CLCNKA: variants seen among roughly 807,000 people sequenced by gnomAD.
CLCNKA encodes chloride channel protein ClC-Ka.
In CLCNKA, 66 loss-of-function variants were observed where a neutral mutation model predicts 83.3. That is an observed-to-expected ratio of 0.79 (90% CI 0.65 to 0.97). The LOEUF (loss-of-function observed/expected upper bound fraction) is 0.97, where lower values mean the gene tolerates loss of function less well. Among genes scored for constraint, CLCNKA ranks in the 50% least tolerant of loss-of-function variants. CLCNKA has a pLI of 0.00. For synonymous variants in CLCNKA, 357 were observed against 370.4 expected (o/e 0.96, Z 0.42); for missense variants, 806 against 888.7 (o/e 0.91, Z 1.18).
chr1:16,033,223 G>A lies in CLCNKA; in HGVS notation c.1983G>A (p.Arg661=), dbSNP rs775909170. The A allele has an allele frequency of 3.1e-6, 5 of 1,614,038 alleles. No homozygotes were observed. The East Asian group carries it at 8.9e-5, about 29-fold the overall frequency. The change falls in exon 19 of 20, where the codon CGG becomes CGA. Residue 661 remains arginine (R), a synonymous_variant. Transcript: ENST00000331433. ...TTCAGTCCCTCTTCGTGACATCGCG[G>A]GGCAGAGCTGTGGGCTGCGTGTCCT... The part of the protein sequence containing the change: ...LNLQSLFVTS[R]GRAVGCVSWV...
chr1:16,033,206 C>T lies in CLCNKA; in HGVS notation c.1966C>T (p.Leu656Phe). Reference sequence around the variant, plus strand: ...CTTTAAGCTGTTGAACCTTCAGTCCCTCTTCGTGACATCGCGGGGCAGAGC... The same window carrying T: ...CTTTAAGCTGTTGAACCTTCAGTCCTTCTTCGTGACATCGCGGGGCAGAGC... ...NLFKLLNLQS[L>F]FVTSRGRAVG... The change falls in exon 19 of 20, where the codon CTC (leucine) becomes TTC (phenylalanine). Residue 656 changes from leucine (L) to phenylalanine (F), a missense_variant. Coordinates refer to ENST00000331433, the MANE Select transcript of CLCNKA (RefSeq NM_004070.4). 6.2e-7 allele frequency: 1 copy of T among 1,614,198 alleles called. No homozygotes were observed. Among genetic ancestry groups the T allele is most frequent in the East Asian group, 2.2e-5 (1 of 44,888 alleles).
Position 16,028,861 on chromosome 1 carries a change from C to A in CLCNKA, c.1053+16C>A, listed in dbSNP as rs189219840. Reference sequence around the variant, plus strand: ...AGCTTCTCGGGTAAGGGGTCCTGAGCGGGGGTGGCAGGAGTGGGAACCCCC... The same window carrying A: ...AGCTTCTCGGGTAAGGGGTCCTGAGAGGGGGTGGCAGGAGTGGGAACCCCC... On this transcript the variant is annotated intron_variant, in intron 11 of 19. Transcript: ENST00000331433. The A allele has an allele frequency of 1.2e-6, 2 of 1,613,338 alleles. No homozygotes were observed. The highest frequency in any genetic ancestry group is 2.2e-5 in the East Asian group (1 of 44,880).
Position 16,031,691 on chromosome 1 carries a change from G to C in CLCNKA, c.1623-19G>C. On this transcript the variant is annotated intron_variant, in intron 15 of 19. Transcript: ENST00000331433. Reference sequence around the variant, plus strand: ...ACATCCCCGACTCCGGGACCTGATGGGAGCCCCTCTGCCTGCAGCTCCCAC... The same window carrying C: ...ACATCCCCGACTCCGGGACCTGATGCGAGCCCCTCTGCCTGCAGCTCCCAC... The C allele has an allele frequency of 6.2e-7, 1 of 1,613,504 alleles. No homozygotes were observed.
chr1:16,022,731 GTCCTCT>G lies in CLCNKA; in HGVS notation c.100+16_100+21del. 1.3e-6 allele frequency: 2 copies of G among 1,510,180 alleles called. No homozygotes were observed. Among genetic ancestry groups the G allele is most frequent in the Non-Finnish European group, 1.8e-6 (2 of 1,123,702 alleles). The allele number at this position is 1,510,180 out of a possible 1,614,324, so 93.5% of individuals were successfully genotyped here. On this transcript the variant is annotated intron_variant, in intron 2 of 19. Transcript: ENST00000331433. ...CCGAGCCATCCAAGGTGAGAGCCAGGTCCTCTTCCCTACCCGCGGGGGACCACTCAG... is the reference window on the plus strand; with the variant it reads ...CCGAGCCATCCAAGGTGAGAGCCAGGTCCCTACCCGCGGGGGACCACTCAG...
chr1:16,033,784 A>G lies in CLCNKA; in HGVS notation c.*126A>G, dbSNP rs12132442. 0.08 allele frequency: 74,329 copies of G among 932,180 alleles called. 3,391 individuals are homozygous for G. The highest frequency in any genetic ancestry group is 0.095 in the African/African-American group (5,763 of 60,350). 57.7% of individuals were successfully genotyped at this position (932,180 alleles called of 1,614,324 possible). The stretch of plus-strand genomic sequence containing the variant: ...CAGCCCAGCTCCATTCTTTGGCATA[A>G]CAGGCAACTCTAACCTAGCCCAGAA... On this transcript the variant is annotated 3_prime_UTR_variant, in exon 20 of 20. Transcript: ENST00000331433.
chr1:16,026,070 A>C (rs2022333922), intron 4 of CLCNKA, 38 bp from the exon 5 acceptor site: 1 of 1,611,654 alleles, frequency 6.2e-7, no homozygotes, highest in African/African-American at 1.3e-5. Context: ...TTTAATCTAG[A>C]GATTGTCCCC....
chr1:16,026,487 G>T (rs2022353042), intron 5 of CLCNKA, 49 bp from the exon 6 acceptor site: 2 of 1,589,038 alleles, frequency 1.3e-6, no homozygotes, highest in Non-Finnish European at 1.7e-6. Context: ...CTGCCTCGGG[G>T]TGAGACTGTC....
rs1350385772 is a variant in CLCNKA at position 16,033,612 on chromosome 1, T to G, written c.2018T>G (p.Met673Arg). 1 of 1,306,184 alleles carries G rather than the reference T, an allele frequency of 7.7e-7. No homozygotes were observed. Among genetic ancestry groups the G allele is most frequent in the Non-Finnish European group, 1.0e-6 (1 of 971,272 alleles). 80.9% of individuals were successfully genotyped at this position (1,306,184 alleles called of 1,614,324 possible). ...RAVGCVSWVE[M>R]KKAISNLTNP... ...CTCCACCCCCTTTCTCTGTTCTAGA[T>G]GAAGAAAGCAATTTCCAACCTGACA... is the stretch of plus-strand genomic sequence containing the variant. Residue 673 changes from methionine (M) to arginine (R), a missense_variant and splice_region_variant, in exon 20 of 20, where the codon ATG (methionine) becomes AGG (arginine). Transcript: ENST00000331433.
Position 16,027,326 on chromosome 1 carries a change from C to T in CLCNKA, c.672C>T (p.Ile224=), listed in dbSNP as rs1451493372. The change falls in exon 8 of 20, where the codon ATC becomes ATT. Residue 224 remains isoleucine, a synonymous_variant. Coordinates refer to ENST00000331433, the MANE Select transcript of CLCNKA (RefSeq NM_004070.4). ...CGCCCCCAGGCGTCCTGTTCAGCAT[C>T]GAGGTCATGTCTTCCCACTTCTCTG... ...AAPFSGVLFS[I]EVMSSHFSVR... 20 of 1,613,272 alleles carry T rather than the reference C, an allele frequency of 1.2e-5. No individual in the cohort carries two copies. The highest frequency in any genetic ancestry group is 1.7e-5 in the Non-Finnish European group (20 of 1,179,986).
chr1:16,028,683 C>T, intron 10 of CLCNKA, 78 bp from the exon 11 acceptor site: 1 of 1,562,576 alleles, frequency 6.4e-7, no homozygotes, highest in African/African-American at 1.3e-5. Context: ...CTGCTGCTGC[C>T]TGGACCAGGT....
At position 16,033,696 on chromosome 1, in the gene CLCNKA, C is replaced by T. The variant is rs1454550448; in HGVS notation, c.*38C>T. The stretch of plus-strand genomic sequence containing the variant: ...AGATGAAACAGGGCACCCCAGCTGA[C>T]CTGGTACTGAGGTTGGGCTGAGACC... On this transcript the variant is annotated 3_prime_UTR_variant, in exon 20 of 20. Transcript: ENST00000331433. 1 of 1,605,926 alleles carries T rather than the reference C, an allele frequency of 6.2e-7. No homozygotes were observed. The highest frequency in any genetic ancestry group is 8.5e-7 in the Non-Finnish European group (1 of 1,174,526).
intron 1 of CLCNKA, 118 bp from the exon 2 acceptor site, chr1:16,022,495 C>T (rs868580565): frequency 2.9e-6 from 2 of 695,324 alleles, no homozygotes; most frequent in African/African-American, 1.8e-5. Flanking sequence ...TGATAACACA[C>T]ACACACACGC....
rs2022368185 is a variant in CLCNKA at position 16,026,734 on chromosome 1, C to T, written c.614C>T (p.Ala205Val). ...CAAAACGAAATGCTGGTGGCAGCGG[C>T]GGCAGTGGGCGTGGCCACAGTCTTT... ...SKQNEMLVAA[A>V]AVGVATVFAA... is the part of the protein sequence containing the mutation. The change falls in exon 7 of 20, where the codon GCG becomes GTG. Residue 205 changes from alanine to valine, a missense_variant. Coordinates refer to ENST00000331433, the MANE Select transcript of CLCNKA (RefSeq NM_004070.4). 1 of 1,613,554 alleles carries T rather than the reference C, an allele frequency of 6.2e-7. No individual in the cohort carries two copies. Among genetic ancestry groups the T allele is most frequent in the African/African-American group, 1.3e-5 (1 of 75,040 alleles).
intron 1 of CLCNKA, among the ~76,000 whole-genome samples, 176 bp from the exon 2 acceptor site, chr1:16,022,437 A>G (rs1457513517): frequency 2.6e-5 from 4 of 152,198 alleles, no homozygotes; most frequent in African/African-American, 9.6e-5. Flanking sequence ...ACAGGCACAC[A>G]CCCTCAGTGA....
intron 4 of CLCNKA, among the ~76,000 whole-genome samples, chr1:16,025,215 G>C (rs1267547440): frequency 6.6e-6 from 1 of 152,214 alleles, no homozygotes; most frequent in African/African-American, 2.4e-5. Flanking sequence ...GGAGCTCCAG[G>C]CTCACTCAGT....
rs765472937 is a variant in CLCNKA, at chr1:16,031,795, G to T, written c.1708G>T (p.Val570Phe). 1.2e-6 allele frequency: 2 copies of T among 1,613,684 alleles called. No individual in the cohort carries two copies. Among genetic ancestry groups the T allele is most frequent in the Non-Finnish European group, 1.7e-6 (2 of 1,180,026 alleles). The change falls in exon 16 of 20, where the codon GTT becomes TTT. Residue 570 changes from valine to phenylalanine, a missense_variant. Physicochemically the swap from Val to Phe is conservative, Grantham distance 50 (BLOSUM62 -1). Coordinates refer to ENST00000331433, the MANE Select transcript of CLCNKA (RefSeq NM_004070.4). ...KDTPLEEVVK[V>F]VTSTDVTEYP... ...CACGCCGCTGGAGGAGGTGGTCAAG[G>T]TTGTGACCTCCACAGACGTGACCGA...
chr1:16,030,456 G>T lies in CLCNKA; in HGVS notation c.1409-5G>T, dbSNP rs747125430. Reference sequence around the variant, plus strand: ...GAGCCGACCTGTGTGGCTCTGCCCCGGCAGGGGCTGCAGCCTTCTCAGGGG... The same window carrying T: ...GAGCCGACCTGTGTGGCTCTGCCCCTGCAGGGGCTGCAGCCTTCTCAGGGG... On this transcript the variant is annotated splice_polypyrimidine_tract_variant and splice_region_variant and intron_variant, in intron 14 of 19. Transcript: ENST00000331433. 10 of 1,612,198 alleles carry T rather than the reference G, an allele frequency of 6.2e-6. No homozygotes were observed. The highest frequency in any genetic ancestry group is 3.3e-5 in the South Asian group (3 of 91,052).
chr1:16,026,844 G>T (rs1183165736), intron 7 of CLCNKA, 69 bp downstream of exon 7: 15 of 1,583,838 alleles, frequency 9.5e-6, no homozygotes, highest in Non-Finnish European at 8.7e-6. Flanking sequence ...GGGCTCCCTC[G>T]GCCCAGCTGA....
rs1484938003 is a variant in CLCNKA, at chr1:16,033,630, A to C, written c.2036A>C (p.Asn679Thr). The C allele has an allele frequency of 4.5e-6, 7 of 1,557,630 alleles. No individual in the cohort carries two copies. Among genetic ancestry groups the C allele is most frequent in the Non-Finnish European group, 6.1e-6 (7 of 1,151,478 alleles). Residue 679 changes from asparagine (N) to threonine (T), a missense_variant, in exon 20 of 20, where the codon AAC (asparagine) becomes ACC (threonine). Asn to Thr is a moderately conservative substitution (Grantham distance 65). Transcript: ENST00000331433. ...TTCTAGATGAAGAAAGCAATTTCCA[A>C]CCTGACAAATCCGCCAGCTCCAAAG... The part of the protein sequence containing the change: ...SWVEMKKAIS[N>T]LTNPPAPK
Sources: gnomAD v4.1 joint callset for allele counts (sites outside exome capture counted in the v4.1 genomes callset) on GRCh38, gnomAD v4.1.1 for gene constraint, MANE v1.5 for transcripts, NCBI Gene and HGNC (gene_info 2026-07-23, HGNC 2026-07-21) for gene names.